Variants in MSANTD7 observed in about 807,000 individuals in gnomAD.
MSANTD7 encodes zinc finger and SCAN domain containing 29.
the MSANTD7 span, chr10:14,844,105 A>G: frequency 5.0e-6 from 7 of 1,388,658 alleles, no homozygotes; most frequent in Non-Finnish European, 6.5e-6. Flanking sequence ...GTGACCTAAT[A>G]GAAAACGATG....
the MSANTD7 span, among the ~76,000 whole-genome samples, chr10:14,843,068 T>G: frequency 6.6e-6 from 1 of 152,312 alleles, no homozygotes; most frequent in Admixed American, 6.5e-5. Flanking sequence ...AACCTAGAAG[T>G]GCTCTCTAGA....
At chr10:14,845,466 G>T in the MSANTD7 span, 4 of 985,254 alleles carry the variant, frequency 4.1e-6, no homozygotes, top group African/African-American at 7.0e-5. Context: ...GAGCTGCTCT[G>T]CCAAGCCAGG....
chr10:14,843,590 C>T, the MSANTD7 span: 10 of 1,550,624 alleles, frequency 6.4e-6, no homozygotes, highest in Non-Finnish European at 8.7e-6. Flanking sequence ...AGGCCCTTGA[C>T]CAGTGAGCCC....
the MSANTD7 span, chr10:14,842,173 T>C: frequency 3.9e-6 from 6 of 1,534,998 alleles, no homozygotes; most frequent in African/African-American, 1.4e-5. The surrounding 1 kb of genome is among the most constrained non-coding windows in gnomAD (Gnocchi z 5.2). Flanking sequence ...TCAGCAATTA[T>C]CCCTGAGAGG....
the MSANTD7 span, among the ~76,000 whole-genome samples, chr10:14,840,993 T>C: frequency 6.6e-6 from 1 of 152,188 alleles, no homozygotes; most frequent in African/African-American, 2.4e-5. Context: ...CGGCCCCAGG[T>C]TCTTTTCTTT....
the MSANTD7 span, chr10:14,840,276 G>C: frequency 2.4e-6 from 1 of 408,538 alleles, no homozygotes; most frequent in Non-Finnish European, 4.2e-6. Context: ...TTTTATGACT[G>C]AGTCATTACA....
chr10:14,845,641 T>G, the MSANTD7 span: 3 of 624,548 alleles, frequency 4.8e-6, no homozygotes, highest in African/African-American at 6.0e-5. Context: ...TTGCCCAGGC[T>G]GGGGTGCAGT....
chr10:14,844,673 T>G, the MSANTD7 span: 1 of 978,324 alleles, frequency 1.0e-6, no homozygotes, highest in Non-Finnish European at 1.2e-6. Context: ...GTGTTACGGT[T>G]TATATCGATA....
the MSANTD7 span, chr10:14,838,388 C>T: frequency 3.1e-5 from 49 of 1,598,518 alleles, no homozygotes; most frequent in African/African-American, 6.0e-4. Context: ...CTGCCGCTGC[C>T]GTCCCTGCTG....
the MSANTD7 span, chr10:14,846,459 T>TTC: frequency 3.0e-6 from 3 of 985,256 alleles, no homozygotes; most frequent in Non-Finnish European, 3.6e-6. Context: ...AGGTCTTGAA[T>TTC]AAGTACACAG....
chr10:14,841,582 C>T, the MSANTD7 span, among the ~76,000 whole-genome samples: 1 of 152,162 alleles, frequency 6.6e-6, no homozygotes, highest in African/African-American at 2.4e-5. Context: ...ATAGATCTCT[C>T]CCCTGGTAGC....
chr10:14,844,835 C>T, the MSANTD7 span: 7 of 985,392 alleles, frequency 7.1e-6, no homozygotes, highest in Non-Finnish European at 8.4e-6. Context: ...CAGATTATAT[C>T]AGTTTCCCAT....
chr10:14,841,192 A>G, the MSANTD7 span: 1 of 152,220 alleles, frequency 6.6e-6, no homozygotes, highest in South Asian at 2.1e-4. Flanking sequence ...GCCAAAAACT[A>G]TAGTTGTTTG....
the MSANTD7 span, chr10:14,838,307 T>A: frequency 7.8e-7 from 1 of 1,289,214 alleles, no homozygotes. Flanking sequence ...GGCGGGAACG[T>A]GAAGCTCCGC....
At chr10:14,842,927 C>T in the MSANTD7 span, 1 of 1,016,186 alleles carries the variant, frequency 9.8e-7, no homozygotes, top group Non-Finnish European at 1.4e-6. This position sits in a 1 kb window ranked among gnomAD's most constrained non-coding sequence, Gnocchi z 5.2. Flanking sequence ...TGGATAGTGT[C>T]CTCTTCAGCA....
the MSANTD7 span, chr10:14,846,514 G>A: frequency 1.0e-6 from 1 of 985,338 alleles, no homozygotes; most frequent in South Asian, 4.7e-5. Flanking sequence ...TGGAATACAG[G>A]GAGACAGTGT....
At chr10:14,843,588 G>C in the MSANTD7 span, 1 of 1,550,618 alleles carries the variant, frequency 6.4e-7, no homozygotes. Flanking sequence ...ATAGGCCCTT[G>C]ACCAGTGAGC....
At chr10:14,846,530 A>C in the MSANTD7 span, 4 of 985,406 alleles carry the variant, frequency 4.1e-6, no homozygotes, top group Non-Finnish European at 3.6e-6. Context: ...AGTGTGCAAG[A>C]AAGCAAGCCA....
At chr10:14,844,245 G>T in the MSANTD7 span, 2 of 1,076,154 alleles carry the variant, frequency 1.9e-6, no homozygotes, top group Non-Finnish European at 2.3e-6. Context: ...ACCTCACAGG[G>T]TTGTTGTGAG....
Sources: allele counts gnomAD v4.1 joint callset (sites outside exome capture counted in the v4.1 genomes callset), GRCh38; gene constraint gnomAD v4.1.1; non-coding constraint Gnocchi (gnomAD v3.1); transcripts MANE v1.5; gene names NCBI Gene and HGNC (gene_info 2026-07-23, HGNC 2026-07-21).